Variants in PIP4K2A observed in about 807,000 individuals in gnomAD.
The protein encoded by PIP4K2A is phosphatidylinositol 5-phosphate 4-kinase type-2 alpha.
PIP4K2A carries 14 observed loss-of-function variants against 42.9 expected under a neutral mutation model. The observed-to-expected ratio is 0.33, with a 90% CI of 0.22 to 0.51. The LOEUF (loss-of-function observed/expected upper bound fraction) is 0.51, where lower values mean the gene tolerates loss of function less well. Ranked by LOEUF, PIP4K2A falls within the 20% of genes least tolerant of loss-of-function variation. PIP4K2A has a pLI of 0.97. For missense variants in PIP4K2A, 434 were observed against 519.8 expected, an observed-to-expected ratio of 0.83 and a Z score of 1.61; for synonymous variants, 192 against 192.2, an observed-to-expected ratio of 1.00 and a Z score of 0.01.
At chr10:22,567,746 G>T (rs370180126) in intron 6 of PIP4K2A, 105 bp downstream of exon 6, 2 of 970,606 alleles carry the variant, frequency 2.1e-6, no homozygotes, top group African/African-American at 1.6e-5. Context: ...GGAACAGGAA[G>T]AACCACAATA....
intron 1 of PIP4K2A, among the ~76,000 whole-genome samples, chr10:22,695,796 A>G (rs1291692748): frequency 6.6e-6 from 1 of 152,226 alleles, no homozygotes; most frequent in African/African-American, 2.4e-5. Flanking sequence ...GTATGGTCAC[A>G]GTAAGTAGCT....
At chr10:22,602,964 T>C (rs1837823843) in intron 3 of PIP4K2A, among the ~76,000 whole-genome samples, 2 of 152,228 alleles carry the variant, frequency 1.3e-5, no homozygotes, top group East Asian at 3.9e-4. Flanking sequence ...AAGTGAGAAA[T>C]CTACAAGTGA....
At chr10:22,554,503 A>C (rs771681981) in intron 6 of PIP4K2A, among the ~76,000 whole-genome samples, 2 of 152,134 alleles carry the variant, frequency 1.3e-5, no homozygotes, top group Non-Finnish European at 2.9e-5. Flanking sequence ...TTCTTTAATG[A>C]GTGTCTTTGA....
Position 22,674,351 on chromosome 10 carries a change from C to G in PIP4K2A, c.144+39832G>C, listed in dbSNP as rs896634691. Among the ~76,000 whole-genome samples the G allele has an allele frequency of 9.6e-5, 14 of 146,236 alleles. No individual in the cohort carries two copies. The South Asian group carries it at 3.0e-3, about 32-fold the overall frequency. Reference sequence around the variant, plus strand: ...ACACTCTTTCCGTATATACCAGACACTGTGACTCCTAAGAACCATGCTGTG... The same window carrying G: ...ACACTCTTTCCGTATATACCAGACAGTGTGACTCCTAAGAACCATGCTGTG... On this transcript the variant is annotated intron_variant, in intron 1 of 9. Coordinates refer to ENST00000376573, the MANE Select transcript of PIP4K2A (RefSeq NM_005028.5).
chr10:22,591,662 G>C lies in PIP4K2A; in HGVS notation c.459C>G (p.Ala153=). 1 of 1,609,360 alleles carries C rather than the reference G, an allele frequency of 6.2e-7. No individual in the cohort carries two copies. Residue 153 remains alanine, a synonymous_variant, in exon 4 of 10, where the codon GCC becomes GCG. Coordinates refer to ENST00000376573, the MANE Select transcript of PIP4K2A (RefSeq NM_005028.5). ...ATTTCTTCAGGATGTTGTGCATTTC[G>C]GCCACGTCTTCACTGGTAATAGTCT... is the stretch of plus-strand genomic sequence containing the variant. ...IIKTITSEDV[A]EMHNILKKYH...
chr10:22,704,739 G>C (rs1323435545), intron 1 of PIP4K2A, among the ~76,000 whole-genome samples: 1 of 151,774 alleles, frequency 6.6e-6, no homozygotes, highest in Non-Finnish European at 1.5e-5. Flanking sequence ...TGCTGTTACT[G>C]TAGTTTATTT....
At chr10:22,596,928 T>C (rs16922485) in intron 3 of PIP4K2A, among the ~76,000 whole-genome samples, 7,320 of 152,294 alleles carry the variant, frequency 0.048, 599 homozygotes, top group African/African-American at 0.16. Flanking sequence ...GTGGGCATTA[T>C]GAAGGGACAG....
At chr10:22,667,220 G>GT (rs1839367864) in intron 1 of PIP4K2A, among the ~76,000 whole-genome samples, 1 of 152,176 alleles carries the variant, frequency 6.6e-6, no homozygotes, top group Admixed American at 6.5e-5. Flanking sequence ...TCTTGATCAA[G>GT]TAGCAAGGAA....
chr10:22,692,684 GC>G (rs1384755679), intron 1 of PIP4K2A, among the ~76,000 whole-genome samples: 1 of 152,106 alleles, frequency 6.6e-6, no homozygotes, highest in African/African-American at 2.4e-5. Context: ...AAATATCCAG[GC>G]CCCACTTACG....
chr10:22,690,367 T>C (rs930662528), intron 1 of PIP4K2A, among the ~76,000 whole-genome samples: 1 of 152,212 alleles, frequency 6.6e-6, no homozygotes, highest in East Asian at 1.9e-4. Flanking sequence ...CTACACTCTG[T>C]AAGTTAATAC....
chr10:22,542,876 T>C (rs982678628), intron 7 of PIP4K2A, among the ~76,000 whole-genome samples: 3 of 152,214 alleles, frequency 2.0e-5, no homozygotes, highest in Non-Finnish European at 2.9e-5. Context: ...CCCAACTGGC[T>C]CCCTGACCCC....
At chr10:22,572,229 G>A (rs1039668919) in intron 5 of PIP4K2A, among the ~76,000 whole-genome samples, 8 of 152,146 alleles carry the variant, frequency 5.3e-5, no homozygotes, top group African/African-American at 9.7e-5. Flanking sequence ...TGGTCTCTGC[G>A]GTAACTACCA....
chr10:22,626,530 A>T (rs569030723), intron 1 of PIP4K2A, among the ~76,000 whole-genome samples: 5 of 152,364 alleles, frequency 3.3e-5, no homozygotes, highest in African/African-American at 7.2e-5. Flanking sequence ...TTTGTGCCTG[A>T]AAATGTTTCT....
intron 4 of PIP4K2A, among the ~76,000 whole-genome samples, chr10:22,577,932 C>A (rs1441614950): frequency 6.6e-6 from 1 of 152,180 alleles, no homozygotes; most frequent in Non-Finnish European, 1.5e-5. Flanking sequence ...CTGGGGACAC[C>A]TGATTATGCC....
At chr10:22,641,482 C>T (rs572569201) in intron 1 of PIP4K2A, among the ~76,000 whole-genome samples, 59 of 152,068 alleles carry the variant, frequency 3.9e-4, no homozygotes, top group Non-Finnish European at 7.9e-4. Context: ...TGCTCTGTCA[C>T]CCAGGCTGGA....
intron 1 of PIP4K2A, among the ~76,000 whole-genome samples, chr10:22,713,579 A>C (rs1487911133): frequency 6.6e-6 from 1 of 152,230 alleles, no homozygotes; most frequent in Non-Finnish European, 1.5e-5. Context: ...TGCTTTGCCA[A>C]AAAGCCGACT....
In PIP4K2A at chr10:22,714,536, C is replaced by A; in HGVS notation, c.-210G>T. Reference sequence around the variant, plus strand: ...GACTGCGCTCGGCTCGCGCCCCGGCCCGTATCCTGCGCCCGCCGCGGATCC... The same window carrying A: ...GACTGCGCTCGGCTCGCGCCCCGGCACGTATCCTGCGCCCGCCGCGGATCC... On this transcript the variant is annotated 5_prime_UTR_variant, in exon 1 of 10. Transcript: ENST00000376573. The A allele has an allele frequency of 6.6e-6, 1 of 150,774 alleles. No homozygotes were observed. The highest frequency in any genetic ancestry group is 2.0e-4 in the South Asian group (1 of 4,932). 9.3% of individuals were successfully genotyped at this position (150,774 alleles called of 1,614,324 possible).
Position 22,594,892 on chromosome 10 carries a change from G to A in PIP4K2A, c.340-3111C>T, listed in dbSNP as rs182214612. ...CTGGGATATAAAACCTTAAAAATTC[G>A]AATCTTGATTCTGTCTCAAATCACC... On this transcript the variant is annotated intron_variant, in intron 3 of 9. Transcript: ENST00000376573. Among the ~76,000 whole-genome samples the A allele has an allele frequency of 6.1e-4, 93 of 152,220 alleles. 1 individual carries two copies. In the East Asian group the frequency reaches 7.1e-3, roughly 12 times the overall value.
chr10:22,659,472 A>G (rs1839162166), intron 1 of PIP4K2A: 1 of 152,296 alleles, frequency 6.6e-6, no homozygotes, highest in Admixed American at 6.5e-5. Flanking sequence ...TGTAATAACA[A>G]TAACATGAGA....
Sources: gnomAD v4.1 joint callset for allele counts (sites outside exome capture counted in the v4.1 genomes callset) on GRCh38, gnomAD v4.1.1 for gene constraint, MANE v1.5 for transcripts, NCBI Gene and HGNC (gene_info 2026-07-23, HGNC 2026-07-21) for gene names.